RAB39A: variants seen among roughly 807,000 people sequenced by gnomAD.
RAB39A encodes ras-related protein Rab-39A.
A neutral mutation model predicts 20.9 loss-of-function variants in RAB39A; 17 were observed. The observed-to-expected ratio is 0.81, with a 90% CI of 0.56 to 1.22. The LOEUF (loss-of-function observed/expected upper bound fraction) is 1.22. Ranked by LOEUF, RAB39A falls within the 50% of genes most tolerant of loss-of-function variation. RAB39A has a pLI of 0.00. For missense variants in RAB39A, 234 were observed against 270.5 expected (o/e 0.87, Z 0.95); for synonymous variants, 99 against 103.4 (o/e 0.96, Z 0.26).
At chr11:107,931,791 T>G (rs931741870) in intron 1 of RAB39A, among the ~76,000 whole-genome samples, 2 of 151,954 alleles carry the variant, frequency 1.3e-5, no homozygotes, top group Admixed American at 1.3e-4. Flanking sequence ...GCATAATAAA[T>G]GTATTACAGA....
chr11:107,959,811 G>T (rs1040858156), intron 1 of RAB39A, among the ~76,000 whole-genome samples: 1 of 152,202 alleles, frequency 6.6e-6, no homozygotes, highest in African/African-American at 2.4e-5. Flanking sequence ...GGTGCCTCAG[G>T]CAAGTAGTCA....
chr11:107,928,670 C>G lies in RAB39A; in HGVS notation c.102C>G (p.Pro34=), dbSNP rs773016370. Residue 34 remains proline (P), a synonymous_variant, in exon 1 of 2, where the codon CCC becomes CCG. Transcript: ENST00000320578. The surrounding 1 kb of genome is among the most constrained non-coding windows in gnomAD (Gnocchi z 4.9). ...LLHRFTQGRF[P]GLRSPACDPT... ...ACCGCTTCACCCAGGGCCGCTTCCC[C>G]GGGCTGCGCTCCCCCGCCTGCGACC... 2.5e-6 allele frequency: 4 copies of G among 1,612,368 alleles called. No homozygotes were observed.
chr11:107,934,573 G>T (rs61906948), intron 1 of RAB39A, among the ~76,000 whole-genome samples: 37,406 of 152,108 alleles, frequency 0.25, 4,736 homozygotes, highest in Middle Eastern at 0.32. Flanking sequence ...TGGAAGACCT[G>T]CAGACAAACT....
intron 1 of RAB39A, among the ~76,000 whole-genome samples, chr11:107,953,637 A>C (rs1861404794): frequency 6.6e-6 from 1 of 152,196 alleles, no homozygotes; most frequent in Non-Finnish European, 1.5e-5. Flanking sequence ...TATATCAGCA[A>C]AGTTCAGAGT....
chr11:107,944,569 T>G (rs1460241397), intron 1 of RAB39A, among the ~76,000 whole-genome samples: 1 of 152,034 alleles, frequency 6.6e-6, no homozygotes, highest in East Asian at 1.9e-4. Context: ...GTATTTTTAG[T>G]AGAGACAGGG....
chr11:107,962,202 A>G lies in RAB39A; in HGVS notation c.484A>G (p.Thr162Ala), dbSNP rs777889656. 2 of 1,614,110 alleles carry G rather than the reference A, an allele frequency of 1.2e-6. No individual in the cohort carries two copies. The highest frequency in any genetic ancestry group is 1.7e-6 in the Non-Finnish European group (2 of 1,179,958). ...KYIETSAKDATNVEESFTILT... is the reference protein window; with the variant it reads ...KYIETSAKDAANVEESFTILT... ...TATAGAAACCTCAGCAAAGGATGCTACAAATGTTGAAGAATCCTTCACAAT... is the reference window on the plus strand; with the variant it reads ...TATAGAAACCTCAGCAAAGGATGCTGCAAATGTTGAAGAATCCTTCACAAT... The change falls in exon 2 of 2, where the codon ACA (threonine) becomes GCA (alanine). Residue 162 changes from threonine (T) to alanine (A), a missense_variant. Thr to Ala is a moderately conservative substitution (Grantham distance 58). Transcript: ENST00000320578.
intron 1 of RAB39A, among the ~76,000 whole-genome samples, chr11:107,950,507 C>T: frequency 6.6e-6 from 1 of 152,160 alleles, no homozygotes. Flanking sequence ...TGGCTCATGC[C>T]TGTAATCCCA....
intron 1 of RAB39A, among the ~76,000 whole-genome samples, chr11:107,937,604 C>T (rs375575009): frequency 8.6e-5 from 13 of 151,208 alleles, no homozygotes; most frequent in South Asian, 4.2e-4. Flanking sequence ...GGCGCAATCT[C>T]GGCTCACTGC....
intron 1 of RAB39A, among the ~76,000 whole-genome samples, chr11:107,930,889 C>T (rs1030576327): frequency 1.1e-4 from 17 of 151,366 alleles, no homozygotes; most frequent in African/African-American, 3.9e-4. Context: ...AGTAGCTCAA[C>T]TTATTGACAA....
chr11:107,960,009 A>G (rs12794485), intron 1 of RAB39A, among the ~76,000 whole-genome samples: 89,300 of 151,962 alleles, frequency 0.59, 26,582 homozygotes, highest in East Asian at 0.71. Context: ...CAAGAGATCG[A>G]GAGCATCTTG....
At position 107,928,907 on chromosome 11, in the gene RAB39A, C is replaced by T; in HGVS notation, c.227+112C>T. The stretch of plus-strand genomic sequence containing the variant: ...GGTCGGGAGAGGCTCTGGCCCTTCC[C>T]TCTCGAAAGTGCAAACACTCCATTC... On this transcript the variant is annotated intron_variant, in intron 1 of 1. Coordinates refer to ENST00000320578, the MANE Select transcript of RAB39A (RefSeq NM_017516.3). The surrounding 1 kb of genome is among the most constrained non-coding windows in gnomAD (Gnocchi z 4.9). The T allele has an allele frequency of 1.2e-6, 1 of 806,658 alleles. No homozygotes were observed. Among genetic ancestry groups the T allele is most frequent in the Non-Finnish European group, 1.9e-6 (1 of 539,450 alleles). 50.0% of individuals were successfully genotyped at this position (806,658 alleles called of 1,614,324 possible). A position where few individuals can be genotyped will look rare whatever the true frequency, so the allele number is the denominator to read the frequency against.
intron 1 of RAB39A, among the ~76,000 whole-genome samples, chr11:107,939,049 G>A (rs1350197394): frequency 1.3e-5 from 2 of 151,570 alleles, no homozygotes. Context: ...CAAGACCAGT[G>A]TGGCCAAGCT....
chr11:107,932,035 T>TC, intron 1 of RAB39A, among the ~76,000 whole-genome samples: 1 of 152,036 alleles, frequency 6.6e-6, no homozygotes, highest in East Asian at 1.9e-4. Context: ...AATTTTTGTA[T>TC]CTTTTTTTGT....
At chr11:107,947,161 G>A (rs555231098) in intron 1 of RAB39A, among the ~76,000 whole-genome samples, 104 of 152,084 alleles carry the variant, frequency 6.8e-4, no homozygotes, top group African/African-American at 2.3e-3. Context: ...GAGTGCAGTG[G>A]CGTGATCTCG....
At chr11:107,939,222 C>A (rs1438664103) in intron 1 of RAB39A, among the ~76,000 whole-genome samples, 1 of 124,266 alleles carries the variant, frequency 8.0e-6, no homozygotes, top group Non-Finnish European at 1.6e-5. Flanking sequence ...CCAGCCTGGG[C>A]GGCAAAGCGA....
At chr11:107,958,336 T>C (rs1861459414) in intron 1 of RAB39A, among the ~76,000 whole-genome samples, 1 of 152,236 alleles carries the variant, frequency 6.6e-6, no homozygotes. Flanking sequence ...TTTTAGAGTC[T>C]GTTCCCTACC....
In RAB39A at chr11:107,934,869, C is replaced by T. The variant is rs576474987; in HGVS notation, c.227+6074C>T. ...GCTTGAACCCAGGAAGCGGAGGTTG[C>T]GGTGAGCCGAGATTACACCATTTCA... On this transcript the variant is annotated intron_variant, in intron 1 of 1. Coordinates refer to ENST00000320578, the MANE Select transcript of RAB39A (RefSeq NM_017516.3). Among the ~76,000 whole-genome samples the T allele has an allele frequency of 4.1e-3, 586 of 141,358 alleles. 2 individuals carry two copies. The highest frequency in any genetic ancestry group is 4.2e-3 in the Non-Finnish European group (278 of 66,296). 92.7% of individuals were successfully genotyped at this position (141,358 alleles called of 152,430 possible).
Position 107,928,768 on chromosome 11 carries a change from G to A in RAB39A, c.200G>A (p.Trp67Ter). The change falls in exon 1 of 2, where the codon TGG (tryptophan) becomes TAG (stop). Residue 67 changes from tryptophan to a stop codon, truncating the protein, a stop_gained. Transcript: ENST00000320578. LOFTEE classifies it high-confidence loss of function. This position sits in a 1 kb window ranked among gnomAD's most constrained non-coding sequence, Gnocchi z 4.9. The part of the protein sequence containing the change: ...EPGKRIKLQL[W>*]DTAGQERFRS... ...GGCAAGAGGATCAAGCTACAGCTCT[G>A]GGACACGGCGGGACAGGAGCGGTTC... The A allele has an allele frequency of 6.3e-7, 1 of 1,593,156 alleles. No homozygotes were observed. Among genetic ancestry groups the A allele is most frequent in the Non-Finnish European group, 8.6e-7 (1 of 1,168,468 alleles).
chr11:107,951,775 G>T (rs1195317104), intron 1 of RAB39A, among the ~76,000 whole-genome samples: 1 of 152,000 alleles, frequency 6.6e-6, no homozygotes, highest in African/African-American at 2.4e-5. Context: ...CTGAGCCACT[G>T]TGTCCGGCAT....
Sources: gnomAD v4.1 joint callset for allele counts (sites outside exome capture counted in the v4.1 genomes callset) on GRCh38, gnomAD v4.1.1 for gene constraint, Gnocchi (gnomAD v3.1) non-coding constraint, MANE v1.5 for transcripts, NCBI Gene and HGNC (gene_info 2026-07-23, HGNC 2026-07-21) for gene names.